PPARGC1A: variants seen among roughly 807,000 people sequenced by gnomAD.
PPARGC1A encodes PPARG coactivator 1 alpha.
PPARGC1A carries 25 observed loss-of-function variants against 88.7 expected under a neutral mutation model. The observed-to-expected ratio is 0.28, with a 90% confidence interval of 0.21 to 0.39. PPARGC1A has a LOEUF of 0.39. Among genes scored for constraint, PPARGC1A ranks in the 10% least tolerant of loss-of-function variants. The pLI, the probability that PPARGC1A is intolerant of heterozygous loss-of-function variation, is 1.00. For missense variants in PPARGC1A, 880 were observed against 968.7 expected (o/e 0.91, Z 1.22); for synonymous variants, 363 against 355.6 (o/e 1.02, Z -0.24).
the PPARGC1A span, among the ~76,000 whole-genome samples, chr4:24,372,665 T>A: frequency 6.6e-6 from 1 of 152,184 alleles, no homozygotes; most frequent in South Asian, 2.1e-4. Flanking sequence ...TTGAGTTTGG[T>A]GAAAAATATA....
chr4:23,804,219 G>C (rs1203781789), intron 10 of PPARGC1A, among the ~76,000 whole-genome samples: 1 of 151,990 alleles, frequency 6.6e-6, no homozygotes, highest in Non-Finnish European at 1.5e-5. Context: ...TCCCCATTTG[G>C]TTCTTTCCCA....
chr4:24,208,285 A>C, the PPARGC1A span, among the ~76,000 whole-genome samples: 2 of 152,066 alleles, frequency 1.3e-5, no homozygotes, highest in African/African-American at 4.8e-5. Context: ...TCTCAAAAAA[A>C]GGGAATGGAA....
chr4:24,422,912 G>C, the PPARGC1A span, among the ~76,000 whole-genome samples: 1 of 152,230 alleles, frequency 6.6e-6, no homozygotes, highest in Non-Finnish European at 1.5e-5. Context: ...CAGGTCAGCA[G>C]TATTGCAGCA....
intron 7 of PPARGC1A, among the ~76,000 whole-genome samples, chr4:23,819,350 T>C (rs1722569239): frequency 6.6e-6 from 1 of 152,126 alleles, no homozygotes; most frequent in Non-Finnish European, 1.5e-5. Flanking sequence ...CTGCCTCCAG[T>C]ACATTTTAAG....
the PPARGC1A span, among the ~76,000 whole-genome samples, chr4:24,078,504 G>A: frequency 2.0e-4 from 31 of 151,968 alleles, no homozygotes; most frequent in Non-Finnish European, 8.8e-5. Flanking sequence ...CAGATATCTG[G>A]CTGAACTTCA....
chr4:24,286,682 T>A, the PPARGC1A span, among the ~76,000 whole-genome samples: 1 of 152,176 alleles, frequency 6.6e-6, no homozygotes, highest in Admixed American at 6.5e-5. Context: ...TCCTCCACAC[T>A]CCTTATGTAT....
the PPARGC1A span, among the ~76,000 whole-genome samples, chr4:24,202,207 T>C: frequency 6.6e-6 from 1 of 152,208 alleles, no homozygotes; most frequent in Non-Finnish European, 1.5e-5. Flanking sequence ...ACTCCCATTC[T>C]GATGGACATC....
the PPARGC1A span, among the ~76,000 whole-genome samples, chr4:24,291,367 G>A: frequency 3.3e-5 from 5 of 152,104 alleles, no homozygotes; most frequent in Admixed American, 1.3e-4. Flanking sequence ...GCCATTCTAC[G>A]TAAATACATG....
the PPARGC1A span, among the ~76,000 whole-genome samples, chr4:24,075,182 C>A: frequency 6.6e-6 from 1 of 152,180 alleles, no homozygotes; most frequent in Non-Finnish European, 1.5e-5. Flanking sequence ...TTAAAATATT[C>A]TGTATCACAA....
chr4:24,284,882 G>C, the PPARGC1A span, among the ~76,000 whole-genome samples: 1 of 152,224 alleles, frequency 6.6e-6, no homozygotes, highest in South Asian at 2.1e-4. Context: ...CAAAAAATTA[G>C]GTGGGCATGG....
upstream of PPARGC1A, among the ~76,000 whole-genome samples, chr4:23,901,438 G>A (rs929100120): frequency 6.6e-6 from 1 of 151,370 alleles, no homozygotes; most frequent in African/African-American, 2.4e-5. Context: ...CAGCTACTCG[G>A]GAGGCTGAGG....
At chr4:24,255,857 T>C in the PPARGC1A span, among the ~76,000 whole-genome samples, 1 of 152,210 alleles carries the variant, frequency 6.6e-6, no homozygotes, top group Admixed American at 6.5e-5. Flanking sequence ...TTTGTAGTGA[T>C]AAAATTGGGA....
At chr4:24,089,875 G>C in the PPARGC1A span, among the ~76,000 whole-genome samples, 1 of 152,172 alleles carries the variant, frequency 6.6e-6, no homozygotes, top group Admixed American at 6.5e-5. Flanking sequence ...TATCACAATG[G>C]AAATGACAGG....
the PPARGC1A span, among the ~76,000 whole-genome samples, chr4:24,001,249 T>C: frequency 6.6e-6 from 1 of 152,220 alleles, no homozygotes; most frequent in Non-Finnish European, 1.5e-5. Context: ...TTCTTTGTTA[T>C]AATATGCTAT....
chr4:24,461,967 T>C, the PPARGC1A span, among the ~76,000 whole-genome samples: 1 of 151,824 alleles, frequency 6.6e-6, no homozygotes, highest in Non-Finnish European at 1.5e-5. Context: ...GCACTAACTG[T>C]TTTCTATCTT....
At chr4:23,954,425 C>T in the PPARGC1A span, among the ~76,000 whole-genome samples, 13 of 151,970 alleles carry the variant, frequency 8.6e-5, no homozygotes, top group Admixed American at 8.5e-4. Flanking sequence ...AATATATACT[C>T]TCTTATATTA....
At chr4:24,386,475 T>C in the PPARGC1A span, among the ~76,000 whole-genome samples, 2 of 152,212 alleles carry the variant, frequency 1.3e-5, no homozygotes, top group African/African-American at 4.8e-5. Context: ...GATGACATGA[T>C]TGCATATTTA....
upstream of PPARGC1A, among the ~76,000 whole-genome samples, chr4:23,902,244 A>G (rs2946392): frequency 0.84 from 128,541 of 152,156 alleles, 55,248 homozygotes; most frequent in African/African-American, 0.96. Context: ...ATTTAACAGT[A>G]CAAAACTTTA....
At chr4:24,176,167 A>T in the PPARGC1A span, among the ~76,000 whole-genome samples, 1 of 152,178 alleles carries the variant, frequency 6.6e-6, no homozygotes, top group Admixed American at 6.5e-5. Flanking sequence ...AGGATATGCA[A>T]TAAACTTGTG....
Sources: gnomAD v4.1 joint callset for allele counts (sites outside exome capture counted in the v4.1 genomes callset) on GRCh38, gnomAD v4.1.1 for gene constraint, MANE v1.5 for transcripts, NCBI Gene and HGNC (gene_info 2026-07-23, HGNC 2026-07-21) for gene names.